DPYD: variants seen among roughly 807,000 people sequenced by gnomAD.
DPYD encodes the protein dihydropyrimidine dehydrogenase [NADP(+)].
A neutral mutation model predicts 116.2 loss-of-function variants in DPYD; 109 were observed. The ratio of observed to expected loss-of-function variants is 0.94; its 90% confidence interval spans 0.80 to 1.10. The LOEUF is 1.10. DPYD is among the 50% of genes least tolerant of loss of function. The pLI is 0.00. For synonymous variants in DPYD, 440 were observed against 432.0 expected (o/e 1.02, Z -0.23); for missense variants, 1,302 against 1,254.5 (o/e 1.04, Z -0.57).
At chr1:97,422,934 A>G (rs537121179) in intron 14 of DPYD, among the ~76,000 whole-genome samples, 56 of 152,250 alleles carry the variant, frequency 3.7e-4, no homozygotes, top group African/African-American at 1.3e-3. Flanking sequence ...TGACATGAAA[A>G]TGGAAATTTC....
At chr1:97,469,678 C>G (rs1056739555) in intron 13 of DPYD, among the ~76,000 whole-genome samples, 1 of 152,090 alleles carries the variant, frequency 6.6e-6, no homozygotes, top group Admixed American at 6.5e-5. Flanking sequence ...TAGATACTAA[C>G]CATAACACCA....
intron 22 of DPYD, among the ~76,000 whole-genome samples, chr1:97,079,770 C>G (rs139317746): frequency 1.1e-4 from 17 of 152,186 alleles, no homozygotes; most frequent in African/African-American, 2.9e-4. Flanking sequence ...CTGGCCCTGA[C>G]ACTATTGAGC....
At chr1:97,601,988 T>C (rs1655276690) in intron 8 of DPYD, among the ~76,000 whole-genome samples, 1 of 152,062 alleles carries the variant, frequency 6.6e-6, no homozygotes, top group African/African-American at 2.4e-5. Flanking sequence ...ACATTAATTG[T>C]GTGTATCACA....
At chr1:97,833,705 G>A (rs1157985885) in intron 2 of DPYD, among the ~76,000 whole-genome samples, 1 of 152,050 alleles carries the variant, frequency 6.6e-6, no homozygotes, top group Non-Finnish European at 1.5e-5. Flanking sequence ...GGTGGAAAAA[G>A]AGGAAAGAAT....
chr1:97,561,352 T>C (rs1171993473), intron 11 of DPYD, among the ~76,000 whole-genome samples: 1 of 152,178 alleles, frequency 6.6e-6, no homozygotes, highest in African/African-American at 2.4e-5. Context: ...TAATTTTCAG[T>C]ACAGACATTT....
At chr1:97,142,083 G>T (rs1557888943) in intron 20 of DPYD, among the ~76,000 whole-genome samples, 1 of 152,100 alleles carries the variant, frequency 6.6e-6, no homozygotes, top group Non-Finnish European at 1.5e-5. Flanking sequence ...AGCACTCAAG[G>T]TTTATACTTT....
At chr1:97,202,155 T>C (rs1489864513) in intron 19 of DPYD, among the ~76,000 whole-genome samples, 1 of 152,138 alleles carries the variant, frequency 6.6e-6, no homozygotes, top group Non-Finnish European at 1.5e-5. Flanking sequence ...GATGTTGTTT[T>C]TCAAAAGTTC....
intron 3 of DPYD, among the ~76,000 whole-genome samples, chr1:97,780,460 G>T (rs941751484): frequency 4.6e-5 from 7 of 152,138 alleles, no homozygotes; most frequent in African/African-American, 1.7e-4. Context: ...TTTAATTACT[G>T]ATTTGCTGTT....
chr1:97,431,217 C>T (rs997675979), intron 14 of DPYD, among the ~76,000 whole-genome samples: 7 of 151,834 alleles, frequency 4.6e-5, no homozygotes, highest in Non-Finnish European at 8.8e-5. Flanking sequence ...ATACTAGGTT[C>T]TAAAATAATG....
chr1:97,100,038 T>G (rs139942532), intron 20 of DPYD, among the ~76,000 whole-genome samples: 2 of 152,206 alleles, frequency 1.3e-5, no homozygotes, highest in Non-Finnish European at 2.9e-5. Flanking sequence ...AGACTAGAAC[T>G]GAGTACTTCA....
intron 12 of DPYD, among the ~76,000 whole-genome samples, chr1:97,524,347 G>A (rs187027046): frequency 1.3e-5 from 2 of 152,164 alleles, no homozygotes; most frequent in Admixed American, 6.5e-5. Context: ...TTATCTATTA[G>A]TCATGCCATG....
At chr1:97,600,040 G>C (rs1655154140) in intron 8 of DPYD, among the ~76,000 whole-genome samples, 1 of 151,882 alleles carries the variant, frequency 6.6e-6, no homozygotes. Context: ...GTGAGACTCT[G>C]TCTCAAAAAA....
intron 19 of DPYD, among the ~76,000 whole-genome samples, chr1:97,234,202 G>A (rs1191811703): frequency 1.3e-5 from 2 of 152,078 alleles, no homozygotes; most frequent in East Asian, 1.9e-4. Flanking sequence ...GCTAAAATGT[G>A]CTGACAGTAC....
At chr1:97,618,036 C>T (rs1656397976) in intron 8 of DPYD, among the ~76,000 whole-genome samples, 1 of 152,082 alleles carries the variant, frequency 6.6e-6, no homozygotes, top group Admixed American at 6.6e-5. Flanking sequence ...ACCAAATGGG[C>T]AAGTATGTAG....
chr1:97,123,414 A>G (rs1437403595), intron 20 of DPYD, among the ~76,000 whole-genome samples: 1 of 152,176 alleles, frequency 6.6e-6, no homozygotes, highest in African/African-American at 2.4e-5. Flanking sequence ...TCAAATAAAT[A>G]TAAGAAAAAC....
chr1:97,684,291 A>G (rs1399652182), intron 7 of DPYD, among the ~76,000 whole-genome samples: 1 of 152,104 alleles, frequency 6.6e-6, no homozygotes, highest in Non-Finnish European at 1.5e-5. Flanking sequence ...TTCATTGTTT[A>G]CCCAGGAGTC....
chr1:97,789,139 C>T (rs1001199123), intron 3 of DPYD, among the ~76,000 whole-genome samples: 2 of 152,118 alleles, frequency 1.3e-5, no homozygotes, highest in Non-Finnish European at 2.9e-5. Flanking sequence ...AAATAACCTG[C>T]ACTGGGGTAC....
At chr1:97,672,533 T>C (rs1659924915) in intron 8 of DPYD, among the ~76,000 whole-genome samples, 1 of 152,176 alleles carries the variant, frequency 6.6e-6, no homozygotes, top group Non-Finnish European at 1.5e-5. Context: ...GGCAAAATAC[T>C]CAAGACTTGC....
chr1:97,517,883 T>C (rs567894306), intron 12 of DPYD, among the ~76,000 whole-genome samples: 3 of 152,264 alleles, frequency 2.0e-5, no homozygotes, highest in African/African-American at 4.8e-5. Flanking sequence ...AGTATTCTTC[T>C]CTTTTTATGG....
Sources: allele counts gnomAD v4.1 joint callset (sites outside exome capture counted in the v4.1 genomes callset), GRCh38; gene constraint gnomAD v4.1.1; transcripts MANE v1.5; gene names NCBI Gene and HGNC (gene_info 2026-07-23, HGNC 2026-07-21).